FAM186B: variants seen among roughly 807,000 people sequenced by gnomAD.
FAM186B encodes the protein family with sequence similarity 186 member B, also known as protein FAM186B.
A neutral mutation model predicts 83.4 loss-of-function variants in FAM186B; 68 were observed. The ratio of observed to expected loss-of-function variants is 0.81; its 90% CI spans 0.67 to 1.00. The LOEUF is 1.00. Among genes scored for constraint, FAM186B ranks in the 50% least tolerant of loss-of-function variants. FAM186B has a pLI of 0.00. For missense variants in FAM186B, 983 were observed against 1,099.2 expected, an observed-to-expected ratio of 0.89 and a Z score of 1.49; for synonymous variants, 389 against 422.0, an observed-to-expected ratio of 0.92 and a Z score of 0.96.
chr12:49,619,870 G>A, the FAM186B span, among the ~76,000 whole-genome samples: 1 of 151,580 alleles, frequency 6.6e-6, no homozygotes, highest in African/African-American at 2.4e-5. Flanking sequence ...AGTAGAGACG[G>A]GGTTTCACCA....
At chr12:49,596,939 C>T (rs546375066) in intron 5 of FAM186B, among the ~76,000 whole-genome samples, 1 of 152,292 alleles carries the variant, frequency 6.6e-6, no homozygotes, top group South Asian at 2.1e-4. Context: ...TGCATAACAA[C>T]ATTTCAGTAA....
rs1229638724 is a variant in FAM186B at position 49,599,851 on chromosome 12, A to C, written c.1789T>G (p.Ser597Ala). 1 of 1,608,636 alleles carries C rather than the reference A, an allele frequency of 6.2e-7. No individual in the cohort carries two copies. The highest frequency in any genetic ancestry group is 1.1e-5 in the South Asian group (1 of 90,232). ...HQSRRPHLPM[S>A]PSTQQPALGK... Reference sequence around the variant, plus strand: ...AGGGCAGGCTGCTGGGTACTAGGAGACATGGGCAAGTGTGGCCTCCTGCTT... The same window carrying C: ...AGGGCAGGCTGCTGGGTACTAGGAGCCATGGGCAAGTGTGGCCTCCTGCTT... Residue 597 changes from serine (S) to alanine (A), a missense_variant, in exon 4 of 7, where the codon TCT becomes GCT. By Grantham distance (99) the Ser-to-Ala change is moderately conservative. Transcript: ENST00000257894.
intron 5 of FAM186B, among the ~76,000 whole-genome samples, chr12:49,593,587 A>G: frequency 6.7e-6 from 1 of 150,346 alleles, no homozygotes; most frequent in South Asian, 2.1e-4. Flanking sequence ...TGAGCCAACC[A>G]AGATGGTGCC....
At chr12:49,603,553 G>A (rs900192583) in intron 2 of FAM186B, among the ~76,000 whole-genome samples, 186 bp from the exon 3 acceptor site, 12 of 152,184 alleles carry the variant, frequency 7.9e-5, no homozygotes, top group Non-Finnish European at 1.3e-4. Flanking sequence ...AAAGAACTGC[G>A]TGAAGATTAA....
At chr12:49,595,903 G>A (rs573767248) in intron 5 of FAM186B, among the ~76,000 whole-genome samples, 110 of 152,348 alleles carry the variant, frequency 7.2e-4, no homozygotes, top group African/African-American at 2.5e-3. Flanking sequence ...AAAATGGCGT[G>A]AACCTGGGAG....
chr12:49,595,441 G>C, intron 5 of FAM186B: 1 of 501,454 alleles, frequency 2.0e-6, no homozygotes, highest in Non-Finnish European at 3.9e-6. Flanking sequence ...TATCTGTGCA[G>C]GTCCTACTGC....
intron 5 of FAM186B, among the ~76,000 whole-genome samples, chr12:49,591,250 G>A (rs1939574618): frequency 6.6e-6 from 1 of 152,200 alleles, no homozygotes; most frequent in Non-Finnish European, 1.5e-5. Flanking sequence ...GAAGCCACAT[G>A]GCAAGGAATC....
intron 3 of FAM186B, among the ~76,000 whole-genome samples, chr12:49,601,530 A>G (rs1324653555): frequency 6.6e-6 from 1 of 151,878 alleles, no homozygotes; most frequent in African/African-American, 2.4e-5. Flanking sequence ...CTTACACCCA[A>G]CTAGGAAGCC....
At chr12:49,582,983 C>G (rs1462934274), downstream of FAM186B, 4 of 451,208 alleles carry the variant, frequency 8.9e-6, no homozygotes, top group Non-Finnish European at 1.3e-5. Context: ...GTTACCAAAG[C>G]AGGAGAAGAA....
downstream of FAM186B, among the ~76,000 whole-genome samples, chr12:49,586,659 C>T (rs1939449271): frequency 1.3e-5 from 2 of 152,176 alleles, no homozygotes; most frequent in African/African-American, 4.8e-5. Context: ...TTTGGTTATT[C>T]TCCATTCTGT....
At chr12:49,618,060 T>G in the FAM186B span, among the ~76,000 whole-genome samples, 1 of 152,112 alleles carries the variant, frequency 6.6e-6, no homozygotes, top group Non-Finnish European at 1.5e-5. Flanking sequence ...AAGAAGCTCA[T>G]GACTGGCCGG....
intron 5 of FAM186B, among the ~76,000 whole-genome samples, chr12:49,594,692 T>C (rs1287792829): frequency 6.6e-6 from 1 of 152,116 alleles, no homozygotes; most frequent in Non-Finnish European, 1.5e-5. Flanking sequence ...CTGGCCAACA[T>C]GGTGAAAACC....
chr12:49,598,851 C>T lies in FAM186B; in HGVS notation c.2268G>A (p.Leu756=), dbSNP rs199755483. ...TCCAGGCCTGCAGCCTGAGACTCTG[C>T]AGGCGGTCAATGTTTTCCAGGAAGA... The part of the protein sequence containing the change: ...LYIFLENIDR[L]QSLRLQAWTD... Residue 756 remains leucine (L), a synonymous_variant, in exon 5 of 7, where the codon CTG becomes CTA. Coordinates refer to ENST00000257894, the MANE Select transcript of FAM186B (RefSeq NM_032130.3). 3.2e-5 allele frequency: 51 copies of T among 1,613,226 alleles called. No individual in the cohort carries two copies. The highest frequency in any genetic ancestry group is 4.1e-5 in the Non-Finnish European group (48 of 1,179,894).
chr12:49,589,978 CAAAAAAAAA>C (rs57724815), intron 5 of FAM186B, among the ~76,000 whole-genome samples: 1 of 60,694 alleles, frequency 1.6e-5, no homozygotes, highest in Non-Finnish European at 3.2e-5. Context: ...ACTCTGTCTC[CAAAAAAAAA>C]AAAAAAAAAA....
chr12:49,604,337 T>C lies in FAM186B; in HGVS notation c.298A>G (p.Ile100Val), dbSNP rs940934113. ...CCCCAGTCACCCAGCCAGCGGAGAA[T>C]GTCATACAGGTGCTTCTCCTTCATC... is the stretch of plus-strand genomic sequence containing the variant. ...AMMKEKHLYD[I>V]LRWLGDWGDT... The change falls in exon 2 of 7, where the codon ATT becomes GTT. Residue 100 changes from isoleucine to valine, a missense_variant. Transcript: ENST00000257894. 3 of 1,614,114 alleles carry C rather than the reference T, an allele frequency of 1.9e-6. No individual in the cohort carries two copies. Among genetic ancestry groups the C allele is most frequent in the Non-Finnish European group, 2.5e-6 (3 of 1,179,936 alleles).
chr12:49,595,477 G>C, intron 5 of FAM186B: 1 of 473,614 alleles, frequency 2.1e-6, no homozygotes, highest in Non-Finnish European at 4.2e-6. Flanking sequence ...GATCAGTTTT[G>C]GAAGTAAAGT....
the FAM186B span, among the ~76,000 whole-genome samples, chr12:49,615,988 T>A: frequency 6.6e-6 from 1 of 151,864 alleles, no homozygotes; most frequent in African/African-American, 2.4e-5. Flanking sequence ...TTATATGGTA[T>A]ATTGCCGGTG....
chr12:49,619,431 T>C, the FAM186B span: 1 of 561,546 alleles, frequency 1.8e-6, no homozygotes, highest in South Asian at 2.3e-5. Flanking sequence ...CCCACTGGAA[T>C]GGCAGGTTTT....
chr12:49,610,744 T>A, the FAM186B span, among the ~76,000 whole-genome samples: 1 of 147,376 alleles, frequency 6.8e-6, no homozygotes, highest in African/African-American at 2.5e-5. Context: ...GAGCCAAGAT[T>A]GCGCCACTGC....
Sources: allele counts gnomAD v4.1 joint callset (sites outside exome capture counted in the v4.1 genomes callset), GRCh38; gene constraint gnomAD v4.1.1; transcripts MANE v1.5; gene names NCBI Gene and HGNC (gene_info 2026-07-23, HGNC 2026-07-21).